The following FBXO16 variants were observed in gnomAD, a reference collection of about 807,000 sequenced individuals.
FBXO16 encodes the protein F-box only protein 16.
FBXO16 carries 31 observed loss-of-function variants against 41.0 expected under a neutral mutation model. That is an observed-to-expected ratio of 0.76 (90% CI 0.57 to 1.02). The LOEUF is 1.02. Among genes scored for constraint, FBXO16 ranks in the 50% least tolerant of loss-of-function variants. The probability of loss-of-function intolerance (pLI) is 0.00; values close to 1 mark genes in which losing one functional copy is unlikely to be tolerated. For synonymous variants in FBXO16, 133 were observed against 117.8 expected (o/e 1.13, Z -0.84); for missense variants, 361 against 346.2 (o/e 1.04, Z -0.34).
At chr8:28,438,716 T>C (rs1299657824) in intron 7 of FBXO16, among the ~76,000 whole-genome samples, 1 of 152,242 alleles carries the variant, frequency 6.6e-6, no homozygotes, top group Non-Finnish European at 1.5e-5. Context: ...TCAGAGAGGT[T>C]ACACAACTTG....
chr8:28,476,686 T>C (rs1479453501), intron 2 of FBXO16, among the ~76,000 whole-genome samples: 1 of 152,194 alleles, frequency 6.6e-6, no homozygotes, highest in African/African-American at 2.4e-5. Flanking sequence ...TGTAGTTACA[T>C]ATTTTACCGT....
At position 28,483,868 on chromosome 8, in the gene FBXO16, T is replaced by C. The variant is rs149161988; in HGVS notation, c.-16-406A>G. Among the ~76,000 whole-genome samples, 778 of 152,210 alleles carry C rather than the reference T, an allele frequency of 5.1e-3. 5 individuals are homozygous for C. The highest frequency in any genetic ancestry group is 8.9e-3 in the Non-Finnish European group (606 of 67,992). The stretch of plus-strand genomic sequence containing the variant: ...AAAAACAATACTAATACCATATAAT[T>C]TTTTAGCATGTTGGCAGAGGGAATG... On this transcript the variant is annotated intron_variant, in intron 1 of 8. Coordinates refer to ENST00000380254, the MANE Select transcript of FBXO16 (RefSeq NM_172366.4).
At chr8:28,446,478 G>A (rs527792148) in intron 7 of FBXO16, among the ~76,000 whole-genome samples, 1 of 151,328 alleles carries the variant, frequency 6.6e-6, no homozygotes, top group East Asian at 2.0e-4. Context: ...TGGCCTAAAT[G>A]CACTTAGATG....
At chr8:28,478,380 C>A (rs1585919817) in intron 2 of FBXO16, among the ~76,000 whole-genome samples, 2 of 152,214 alleles carry the variant, frequency 1.3e-5, no homozygotes, top group African/African-American at 2.4e-5. Context: ...CAAGGTCAGA[C>A]CTGGCGGGGG....
intron 7 of FBXO16, among the ~76,000 whole-genome samples, chr8:28,436,439 C>G (rs112478645): frequency 0.022 from 3,337 of 152,318 alleles, 117 homozygotes; most frequent in African/African-American, 0.075. Context: ...AAAGAATCCA[C>G]AGGCCTGGCT....
chr8:28,479,750 T>C (rs925959221), intron 2 of FBXO16, among the ~76,000 whole-genome samples: 4 of 152,096 alleles, frequency 2.6e-5, no homozygotes, highest in African/African-American at 9.7e-5. Flanking sequence ...AGGGTCTCTC[T>C]CTCTCTGTCA....
intron 1 of FBXO16, among the ~76,000 whole-genome samples, chr8:28,489,425 C>T (rs370970146): frequency 5.3e-5 from 8 of 149,572 alleles, no homozygotes; most frequent in East Asian, 2.0e-4. Flanking sequence ...CTATAATCCC[C>T]GCATTTTGGG....
chr8:28,446,313 T>C (rs1048126318), intron 7 of FBXO16, among the ~76,000 whole-genome samples: 5 of 147,842 alleles, frequency 3.4e-5, no homozygotes, highest in East Asian at 4.3e-4. Context: ...GCACCCGCCA[T>C]AGGCATGTGC....
At chr8:28,460,583 C>G (rs1002224369) in intron 4 of FBXO16, among the ~76,000 whole-genome samples, 1 of 151,646 alleles carries the variant, frequency 6.6e-6, no homozygotes, top group Non-Finnish European at 1.5e-5. Context: ...CACCACCACA[C>G]TGGGCTAATT....
At chr8:28,475,369 T>G (rs898053121) in intron 2 of FBXO16, among the ~76,000 whole-genome samples, 1 of 152,302 alleles carries the variant, frequency 6.6e-6, no homozygotes, top group East Asian at 1.9e-4. Context: ...AGACACTTTT[T>G]GCACATAAGA....
intron 2 of FBXO16, among the ~76,000 whole-genome samples, chr8:28,481,362 T>A (rs1383467423): frequency 6.6e-6 from 1 of 151,982 alleles, no homozygotes; most frequent in Admixed American, 6.6e-5. Context: ...TGGAAGTAGA[T>A]AAGCGGGTGG....
intron 7 of FBXO16, among the ~76,000 whole-genome samples, chr8:28,438,956 C>T (rs986141303): frequency 3.3e-5 from 5 of 151,614 alleles, no homozygotes; most frequent in East Asian, 1.9e-4. Context: ...AAAAATCAGC[C>T]GGGCGTGGTG....
rs921817956 is a variant in FBXO16 at position 28,452,913 on chromosome 8, TAAAA to T, written c.508-441_508-438del. Among the ~76,000 whole-genome samples the T allele has an allele frequency of 5.9e-3, 769 of 130,562 alleles. 3 individuals carry two copies. The highest frequency in any genetic ancestry group is 0.021 in the African/African-American group (739 of 35,086). 85.7% of individuals were successfully genotyped at this position (130,562 alleles called of 152,430 possible). A position where few individuals can be genotyped will look rare whatever the true frequency, so the allele number is the denominator to read the frequency against. ...GTGAGTTGGCTGAAGGATAAAAAAA[TAAAA>T]AAAAAGAAAAAAAGGAATATCATCA... On this transcript the variant is annotated intron_variant, in intron 5 of 8. Coordinates refer to ENST00000380254, the MANE Select transcript of FBXO16 (RefSeq NM_172366.4).
At chr8:28,459,685 T>C (rs1803094389) in intron 4 of FBXO16, among the ~76,000 whole-genome samples, 1 of 150,262 alleles carries the variant, frequency 6.7e-6, no homozygotes. Context: ...TATATGGCTA[T>C]TTGATACCCT....
At chr8:28,483,505 A>G (rs1585923405) in intron 1 of FBXO16, 43 bp from the exon 2 acceptor site, 1 of 1,475,620 alleles carries the variant, frequency 6.8e-7, no homozygotes, top group Non-Finnish European at 9.4e-7. Flanking sequence ...AGTGAATCAT[A>G]TAACCCTCAG....
intron 3 of FBXO16, chr8:28,465,404 CT>C (rs1240202919): frequency 2.2e-6 from 1 of 452,056 alleles, no homozygotes; most frequent in African/African-American, 2.0e-5. Flanking sequence ...AGGAGAATCT[CT>C]TGAGCCCAGG....
At chr8:28,479,176 C>G (rs1803473262) in intron 2 of FBXO16, among the ~76,000 whole-genome samples, 1 of 152,182 alleles carries the variant, frequency 6.6e-6, no homozygotes, top group Non-Finnish European at 1.5e-5. Flanking sequence ...TCAGGTGTTT[C>G]TTTACAACCA....
At chr8:28,435,645 A>G (rs902103479) in intron 7 of FBXO16, among the ~76,000 whole-genome samples, 3 of 152,136 alleles carry the variant, frequency 2.0e-5, no homozygotes. Context: ...GTTTGTGAGT[A>G]TACAGAAAAG....
intron 7 of FBXO16, among the ~76,000 whole-genome samples, chr8:28,439,234 A>AC (rs1377700166): frequency 1.2e-4 from 18 of 152,126 alleles, no homozygotes; most frequent in Non-Finnish European, 2.1e-4. Flanking sequence ...AGATGAAGAA[A>AC]CTGAGGCCTA....
Sources: gnomAD v4.1 joint callset for allele counts (sites outside exome capture counted in the v4.1 genomes callset) on GRCh38, gnomAD v4.1.1 for gene constraint, MANE v1.5 for transcripts, NCBI Gene and HGNC (gene_info 2026-07-23, HGNC 2026-07-21) for gene names.